Variants in EHF observed in about 807,000 individuals in gnomAD.
The protein encoded by EHF is ESE3 transcription factor.
A neutral mutation model predicts 45.1 loss-of-function variants in EHF; 14 were observed. The ratio of observed to expected loss-of-function variants is 0.31; its 90% confidence interval spans 0.21 to 0.49. The LOEUF (loss-of-function observed/expected upper bound fraction) is 0.49, where lower values mean the gene tolerates loss of function less well. Among genes scored for constraint, EHF ranks in the 20% least tolerant of loss-of-function variants. EHF has a pLI of 0.99. For missense variants in EHF, 282 were observed against 371.4 expected (o/e 0.76, Z 1.98); for synonymous variants, 136 against 131.8 (o/e 1.03, Z -0.22).
chr11:34,634,482 G>A (rs1400970867), intron 1 of EHF, among the ~76,000 whole-genome samples: 1 of 152,202 alleles, frequency 6.6e-6, no homozygotes, highest in Non-Finnish European at 1.5e-5. Context: ...GAAGGCTGAT[G>A]GTGGCCTTGA....
At chr11:34,649,550 G>A (rs1485462491) in intron 4 of EHF, among the ~76,000 whole-genome samples, 2 of 152,204 alleles carry the variant, frequency 1.3e-5, no homozygotes, top group South Asian at 2.1e-4. Context: ...AGGGGCCCTG[G>A]GGAGCTTCTG....
chr11:34,649,587 C>T (rs1854939016), intron 4 of EHF, among the ~76,000 whole-genome samples: 2 of 152,166 alleles, frequency 1.3e-5, no homozygotes, highest in South Asian at 4.1e-4. Flanking sequence ...TACCTGCAAC[C>T]CAGCTCCTGC....
chr11:34,642,470 T>C (rs1432036369), intron 1 of EHF, 158 bp from the exon 2 acceptor site: 1 of 554,892 alleles, frequency 1.8e-6, no homozygotes, highest in African/African-American at 1.9e-5. Context: ...TGCTGTGAGT[T>C]TTGCTTTTAC....
At chr11:34,629,995 G>C (rs1392729742) in intron 1 of EHF, among the ~76,000 whole-genome samples, 2 of 152,172 alleles carry the variant, frequency 1.3e-5, no homozygotes, top group African/African-American at 4.8e-5. Context: ...TGATAGATGG[G>C]TTTGAGTGGC....
rs74794910 is a variant in EHF, at chr11:34,624,292, A to C, written c.-4+3064A>C. 7,977 of 985,306 alleles carry C rather than the reference A, an allele frequency of 8.1e-3. 42 individuals carry two copies. Among genetic ancestry groups the C allele is most frequent in the Non-Finnish European group, 9.0e-3 (7,489 of 829,904 alleles). The allele number at this position is 985,306 out of a possible 1,614,324, so 61.0% of individuals were successfully genotyped here. Reference sequence around the variant, plus strand: ...CCTGCCTTTGTTACTGGGAAACCGAACGCGGCGCTGTGGCTTTCAGCTTGG... The same window carrying C: ...CCTGCCTTTGTTACTGGGAAACCGACCGCGGCGCTGTGGCTTTCAGCTTGG... On this transcript the variant is annotated intron_variant, in intron 1 of 8. Coordinates refer to ENST00000257831, the MANE Select transcript of EHF (RefSeq NM_012153.6).
chr11:34,633,852 G>C (rs1269947141), intron 1 of EHF, among the ~76,000 whole-genome samples: 1 of 151,910 alleles, frequency 6.6e-6, no homozygotes, highest in Non-Finnish European at 1.5e-5. Context: ...GCCTAGCCTG[G>C]GTCTGACACC....
intron 1 of EHF, among the ~76,000 whole-genome samples, chr11:34,632,122 T>C (rs542206082): frequency 6.2e-4 from 95 of 152,362 alleles, no homozygotes; most frequent in African/African-American, 2.2e-3. Flanking sequence ...CTTTGGTTTT[T>C]ATAGGAAAAA....
At position 34,646,494 on chromosome 11, in the gene EHF, C is replaced by G. The variant is rs1410435289; in HGVS notation, c.153C>G (p.Thr51=). Residue 51 remains threonine, a synonymous_variant, in exon 3 of 9, where the codon ACC becomes ACG. Transcript: ENST00000257831. ...ATGAAATTCATCCTCAGTACTGGAC[C>G]AAGTACCAGGTGTGGGAGTGGCTCC... ...QWHEIHPQYW[T]KYQVWEWLQH... 3.1e-6 allele frequency: 5 copies of G among 1,614,048 alleles called. No individual in the cohort carries two copies. The highest frequency in any genetic ancestry group is 4.2e-6 in the Non-Finnish European group (5 of 1,179,986).
At chr11:34,651,695 G>A (rs12721521) in intron 5 of EHF, 42 bp from the exon 6 acceptor site, 3 of 1,610,888 alleles carry the variant, frequency 1.9e-6, no homozygotes, top group East Asian at 2.2e-5. Flanking sequence ...GAGGTGGGGG[G>A]AGGGGGTGCT....
At chr11:34,625,497 G>A (rs763785782) in intron 1 of EHF, among the ~76,000 whole-genome samples, 4 of 152,102 alleles carry the variant, frequency 2.6e-5, no homozygotes, top group Admixed American at 6.5e-5. Context: ...TGAGTAGATC[G>A]AACGTATGTG....
chr11:34,651,847 T>C (rs1244821791), intron 6 of EHF, 42 bp downstream of exon 6: 2 of 1,567,302 alleles, frequency 1.3e-6, no homozygotes, highest in African/African-American at 2.7e-5. Flanking sequence ...GCCTAATGCT[T>C]AGGGAGAATC....
chr11:34,651,548 C>T lies in EHF; in HGVS notation c.413C>T (p.Ser138Phe), dbSNP rs758686237. 20 of 1,613,538 alleles carry T rather than the reference C, an allele frequency of 1.2e-5. No individual in the cohort carries two copies. In the African/African-American group the frequency reaches 2.5e-4, roughly 20 times the overall value. Reference sequence around the variant, plus strand: ...CCTTCTCTATTTTTTGTAGAGCCTTCCATCATGAACACCTGGAAAGACGAG... The same window carrying T: ...CCTTCTCTATTTTTTGTAGAGCCTTTCATCATGAACACCTGGAAAGACGAG... The part of the protein sequence containing the change: ...VIVKTEQTEP[S>F]IMNTWKDENY... Residue 138 changes from serine (S) to phenylalanine (F), a missense_variant, in exon 5 of 9, where the codon TCC becomes TTC. By Grantham distance (155) the Ser-to-Phe change is radical. This residue lies in a region of EHF where 213 missense variants were observed against 247.3 expected (regional missense o/e 0.86). Transcript: ENST00000257831.
chr11:34,651,025 A>G (rs993258923), intron 4 of EHF, among the ~76,000 whole-genome samples: 2 of 152,100 alleles, frequency 1.3e-5, no homozygotes, highest in African/African-American at 4.8e-5. Flanking sequence ...CCCAACTTGG[A>G]TGACAAATCT....
chr11:34,623,125 G>A (rs1193918384), intron 1 of EHF, among the ~76,000 whole-genome samples: 2 of 151,844 alleles, frequency 1.3e-5, no homozygotes, highest in African/African-American at 4.8e-5. Flanking sequence ...AGTCTCCGTC[G>A]CCCAGCCTGG....
intron 1 of EHF, chr11:34,631,395 G>C (rs907643704): frequency 6.0e-6 from 1 of 165,420 alleles, no homozygotes; most frequent in East Asian, 1.9e-4. Context: ...TGATGCCATT[G>C]CTTAATTAAT....
intron 3 of EHF, among the ~76,000 whole-genome samples, chr11:34,647,275 C>T (rs1323161801): frequency 2.0e-5 from 3 of 152,130 alleles, no homozygotes; most frequent in Non-Finnish European, 4.4e-5. Flanking sequence ...GGTCTAGACA[C>T]GTGTATGGGG....
At chr11:34,637,040 A>G (rs1444398485) in intron 1 of EHF, among the ~76,000 whole-genome samples, 1 of 151,584 alleles carries the variant, frequency 6.6e-6, no homozygotes, top group Non-Finnish European at 1.5e-5. Context: ...AAAAAAAAAA[A>G]AAAAAAAAAA....
rs952926035 is a variant in EHF, at chr11:34,655,739, CT to C, written c.545-1161del. On this transcript the variant is annotated intron_variant, in intron 6 of 8. Transcript: ENST00000257831. ...ATAGTAAGTGCTCAATAAACAGTAG[CT>C]TTTTTTTCTTAACCAATTTAATTAG... Among the ~76,000 whole-genome samples, 24 of 152,176 alleles carry C rather than the reference CT, an allele frequency of 1.6e-4. No individual in the cohort carries two copies. In the East Asian group the frequency reaches 3.9e-3, roughly 24 times the overall value.
intron 1 of EHF, among the ~76,000 whole-genome samples, chr11:34,641,071 C>T (rs536082227): frequency 5.3e-4 from 81 of 152,290 alleles, no homozygotes; most frequent in African/African-American, 1.8e-3. Context: ...GCTCTTCTGG[C>T]TTCAAAGCTC....
Sources: allele counts gnomAD v4.1 joint callset (sites outside exome capture counted in the v4.1 genomes callset), GRCh38; gene constraint gnomAD v4.1.1; regional missense constraint gnomAD v4.1.1; transcripts MANE v1.5; gene names NCBI Gene and HGNC (gene_info 2026-07-23, HGNC 2026-07-21).